Variants in LRRTM3 observed in about 807,000 individuals in gnomAD.
The protein encoded by LRRTM3 is leucine rich repeat transmembrane neuronal 3.
LRRTM3 carries 24 observed loss-of-function variants against 44.7 expected under a neutral mutation model. The ratio of observed to expected loss-of-function variants is 0.54; its 90% confidence interval spans 0.39 to 0.76. The LOEUF is 0.76. Ranked by LOEUF, LRRTM3 falls within the 30% of genes least tolerant of loss-of-function variation. LRRTM3 has a pLI of 0.00. For missense variants in LRRTM3, 587 were observed against 702.2 expected (o/e 0.84, Z 1.85); for synonymous variants, 277 against 278.7 (o/e 0.99, Z 0.06).
intron 2 of LRRTM3, among the ~76,000 whole-genome samples, chr10:66,965,639 G>A (rs1849374982): frequency 6.7e-6 from 1 of 148,768 alleles, no homozygotes; most frequent in Non-Finnish European, 1.5e-5. Flanking sequence ...AATGTCTAAC[G>A]AACTTCCACG....
intron 2 of LRRTM3, among the ~76,000 whole-genome samples, chr10:66,936,960 T>C (rs1847738849): frequency 6.6e-6 from 1 of 152,154 alleles, no homozygotes; most frequent in African/African-American, 2.4e-5. Context: ...GCAAAGACCT[T>C]TGTAAAGCAC....
chr10:66,968,281 T>C (rs1388947156), intron 2 of LRRTM3, among the ~76,000 whole-genome samples: 1 of 151,392 alleles, frequency 6.6e-6, no homozygotes, highest in Non-Finnish European at 1.5e-5. Flanking sequence ...AGAGGCAGTT[T>C]GATTCTACAG....
rs1048975116 is a variant in LRRTM3 at position 67,001,193 on chromosome 10, C to T, written c.1536+72741C>T. Reference sequence around the variant, plus strand: ...GTGTGTGCCTGTAATCCCAGCTACTCGGGAGGGTGAGGCAGGAGAATCGCT... The same window carrying T: ...GTGTGTGCCTGTAATCCCAGCTACTTGGGAGGGTGAGGCAGGAGAATCGCT... On this transcript the variant is annotated intron_variant, in intron 2 of 2. Transcript: ENST00000361320. 3.3e-5 allele frequency among the ~76,000 whole-genome samples: 5 copies of T among 149,454 alleles called. No homozygotes were observed. The East Asian group carries it at 7.9e-4, about 24-fold the overall frequency.
intron 2 of LRRTM3, among the ~76,000 whole-genome samples, chr10:67,002,872 C>T (rs999216647): frequency 2.6e-5 from 4 of 151,976 alleles, no homozygotes; most frequent in Non-Finnish European, 5.9e-5. Flanking sequence ...ATAAACTAGA[C>T]TAGGAAAGGA....
intron 2 of LRRTM3, among the ~76,000 whole-genome samples, chr10:66,964,522 G>C (rs1223554697): frequency 6.6e-6 from 1 of 152,122 alleles, no homozygotes; most frequent in East Asian, 1.9e-4. Flanking sequence ...ATTTCCTAAG[G>C]AATGTGCTCA....
chr10:67,084,859 T>G (rs191753417), intron 2 of LRRTM3, among the ~76,000 whole-genome samples: 2 of 151,962 alleles, frequency 1.3e-5, no homozygotes, highest in African/African-American at 4.8e-5. Flanking sequence ...GGTTATAGAT[T>G]AGCAGTATAA....
intron 2 of LRRTM3, among the ~76,000 whole-genome samples, chr10:67,015,087 T>C (rs1156246508): frequency 1.3e-5 from 2 of 152,124 alleles, no homozygotes; most frequent in African/African-American, 2.4e-5. Context: ...TAGAATCATC[T>C]GTCTATTTCA....
chr10:66,926,791 G>T (rs1020401277), intron 1 of LRRTM3, 130 bp from the exon 2 acceptor site: 4 of 965,744 alleles, frequency 4.1e-6, no homozygotes, highest in African/African-American at 3.3e-5. Context: ...ATTACAAAGA[G>T]ATAATATGTG....
Position 66,954,624 on chromosome 10 carries a change from G to T in LRRTM3, c.1536+26172G>T, listed in dbSNP as rs565187392. On this transcript the variant is annotated intron_variant, in intron 2 of 2. Coordinates refer to ENST00000361320, the MANE Select transcript of LRRTM3 (RefSeq NM_178011.5). ...GTCAAATTGTTAACAGAAGGAAAATGAGGTTTAAAGTCCATTGAAAATTAT... is the reference window on the plus strand; with the variant it reads ...GTCAAATTGTTAACAGAAGGAAAATTAGGTTTAAAGTCCATTGAAAATTAT... Among the ~76,000 whole-genome samples the T allele has an allele frequency of 7.9e-5, 12 of 152,274 alleles. No homozygotes were observed. The East Asian group carries it at 2.1e-3, about 27-fold the overall frequency.
At chr10:66,999,303 C>T (rs1851546489) in intron 2 of LRRTM3, among the ~76,000 whole-genome samples, 1 of 152,006 alleles carries the variant, frequency 6.6e-6, no homozygotes, top group African/African-American at 2.4e-5. Flanking sequence ...ATAGGCATTG[C>T]TAAATCGACA....
At chr10:66,934,906 A>G (rs1373740432) in intron 2 of LRRTM3, among the ~76,000 whole-genome samples, 1 of 152,094 alleles carries the variant, frequency 6.6e-6, no homozygotes, top group African/African-American at 2.4e-5. Flanking sequence ...TTAAATGTAA[A>G]TCCTTAGTCA....
chr10:66,946,301 G>A (rs1422812000), intron 2 of LRRTM3, among the ~76,000 whole-genome samples: 1 of 152,176 alleles, frequency 6.6e-6, no homozygotes, highest in Non-Finnish European at 1.5e-5. Context: ...TGACCTGCAT[G>A]CTGGAAAGTT....
At chr10:67,060,546 C>T (rs1422967492) in intron 2 of LRRTM3, among the ~76,000 whole-genome samples, 1 of 152,190 alleles carries the variant, frequency 6.6e-6, no homozygotes, top group African/African-American at 2.4e-5. Flanking sequence ...AGTTAGGCAG[C>T]ACCAGATAAC....
Position 66,926,425 on chromosome 10 carries a change from T to C in LRRTM3, c.-159T>C. Reference sequence around the variant, plus strand: ...AGTGTTCTGCGTGGCTGGCAAAGAATAATGTTCCAAAATCGGTCCATCTCC... The same window carrying C: ...AGTGTTCTGCGTGGCTGGCAAAGAACAATGTTCCAAAATCGGTCCATCTCC... On this transcript the variant is annotated 5_prime_UTR_variant, in exon 1 of 3. An upstream open reading frame in the 5' UTR loses its in-frame stop. Transcript: ENST00000361320. The C allele has an allele frequency of 1.4e-6, 1 of 736,330 alleles. No individual in the cohort carries two copies. Among genetic ancestry groups the C allele is most frequent in the South Asian group, 1.7e-5 (1 of 60,482 alleles). 45.6% of individuals were successfully genotyped at this position (736,330 alleles called of 1,614,324 possible). A position where few individuals can be genotyped will look rare whatever the true frequency, so the allele number is the denominator to read the frequency against.
rs554269560 is a variant in LRRTM3 at position 66,928,155 on chromosome 10, G to T, written c.1239G>T (p.Glu413Asp). The T allele has an allele frequency of 9.3e-6, 15 of 1,614,040 alleles. No homozygotes were observed. In the South Asian group the frequency reaches 1.3e-4, roughly 14 times the overall value. Residue 413 changes from glutamate to aspartate, a missense_variant, in exon 2 of 3, where the codon GAG becomes GAT. Physicochemically the swap from Glu to Asp is conservative, Grantham distance 45. Around this residue, in one of 3 missense-constraint regions of LRRTM3, gnomAD observed 315 missense variants for 335.6 expected, o/e 0.94. Transcript: ENST00000361320. ...GCCCAGAGACCGATGCTGACGCCGA[G>T]CACATCTCTTTCCATAAAATCATCG... The part of the protein sequence containing the change: ...EPGPETDADA[E>D]HISFHKIIAG...
At chr10:67,048,469 C>T (rs1752967102) in intron 2 of LRRTM3, among the ~76,000 whole-genome samples, 1 of 151,910 alleles carries the variant, frequency 6.6e-6, no homozygotes, top group South Asian at 2.1e-4. Flanking sequence ...GGTACAAAAG[C>T]AATAATATAT....
In LRRTM3 at chr10:67,099,789, A is replaced by T. The variant is rs1225229575; in HGVS notation, c.*1993A>T. On this transcript the variant is annotated 3_prime_UTR_variant, in exon 3 of 3. Transcript: ENST00000361320. ...TATTTGCTCTTCAAAAATTTTTGTC[A>T]TTTTAAATCTAATTTTAATCTTTAT... 6.6e-6 allele frequency: 1 copy of T among 152,004 alleles called. No individual in the cohort carries two copies. The highest frequency in any genetic ancestry group is 1.5e-5 in the Non-Finnish European group (1 of 67,758). 9.4% of individuals were successfully genotyped at this position (152,004 alleles called of 1,614,324 possible).
chr10:66,956,599 T>C (rs1055465356), intron 2 of LRRTM3, among the ~76,000 whole-genome samples: 1 of 152,174 alleles, frequency 6.6e-6, no homozygotes, highest in Non-Finnish European at 1.5e-5. Context: ...CTGCAAAAAG[T>C]CAATAGTCAA....
intron 2 of LRRTM3, among the ~76,000 whole-genome samples, chr10:66,957,645 A>G (rs1019153828): frequency 1.4e-4 from 21 of 151,742 alleles, no homozygotes; most frequent in African/African-American, 5.1e-4. Context: ...GTGACTCAAG[A>G]AAGTTAATCC....
Sources: allele counts gnomAD v4.1 joint callset (sites outside exome capture counted in the v4.1 genomes callset), GRCh38; gene constraint gnomAD v4.1.1; regional missense constraint gnomAD v4.1.1; transcripts MANE v1.5; gene names NCBI Gene and HGNC (gene_info 2026-07-23, HGNC 2026-07-21).